The following SNED1 variants were observed in gnomAD, a reference collection of about 807,000 sequenced individuals.
SNED1 encodes the protein sushi, nidogen and EGF like domains 1.
SNED1 carries 81 observed loss-of-function variants against 166.7 expected under a neutral mutation model. That is an observed-to-expected ratio of 0.49 (90% CI 0.41 to 0.58). SNED1 has a LOEUF of 0.58. SNED1 is among the 20% of genes least tolerant of loss of function. The pLI is 0.00. For missense variants in SNED1, 1,604 were observed against 2,000.2 expected, an observed-to-expected ratio of 0.80 and a Z score of 3.78; for synonymous variants, 762 against 822.0, an observed-to-expected ratio of 0.93 and a Z score of 1.25.
chr2:241,022,026 C>A lies in SNED1; in HGVS notation c.214-8258C>A, dbSNP rs186238561. On this transcript the variant is annotated intron_variant, in intron 1 of 31. Coordinates refer to ENST00000310397, the MANE Select transcript of SNED1 (RefSeq NM_001080437.3). ...CCTAATGGTTAATGCTGTCAAGCAT[C>A]TTTTTGTATGTTATTGGCTCCTTCT... 4.7e-4 allele frequency among the ~76,000 whole-genome samples: 71 copies of A among 152,322 alleles called. 1 individual carries two copies. The highest frequency in any genetic ancestry group is 1.5e-3 in the African/African-American group (64 of 41,574).
Position 241,069,697 on chromosome 2 carries a change from A to G in SNED1, c.3308-223A>G, listed in dbSNP as rs1039981973. 1.3e-5 allele frequency among the ~76,000 whole-genome samples: 2 copies of G among 151,942 alleles called. No individual in the cohort carries two copies. Among genetic ancestry groups the G allele is most frequent in the Non-Finnish European group, 2.9e-5 (2 of 67,954 alleles). On this transcript the variant is annotated intron_variant, in intron 23 of 31. Transcript: ENST00000310397. The surrounding 1 kb of genome is among the most constrained non-coding windows in gnomAD (Gnocchi z 4.9). ...CTGGGGGCTTCACAGGGTGGATCCT[A>G]ACCCGAGGGGAGGGTGGCAACCAGG...
rs554383794 is a variant in SNED1 at position 240,999,443 on chromosome 2, G to A, written c.213+393G>A. ...CGGGCCTCAGTTTCCCAAGTGGGGC[G>A]CCGGGCCTGCGAAGGTTGCAGCCCC... On this transcript the variant is annotated intron_variant, in intron 1 of 31. Transcript: ENST00000310397. This position sits in a 1 kb window ranked among gnomAD's most constrained non-coding sequence, Gnocchi z 5.8. Among the ~76,000 whole-genome samples, 37 of 152,332 alleles carry A rather than the reference G, an allele frequency of 2.4e-4. No homozygotes were observed. Among genetic ancestry groups the A allele is most frequent in the Admixed American group, 2.2e-3 (34 of 15,312 alleles).
intron 1 of SNED1, among the ~76,000 whole-genome samples, chr2:241,024,795 C>T (rs1369991603): frequency 6.8e-6 from 1 of 148,022 alleles, no homozygotes; most frequent in Non-Finnish European, 1.5e-5. Context: ...CCTCAGCCTC[C>T]CAAGTAGCTG....
rs1350462650 is a variant in SNED1, at chr2:241,013,943, C to A, written c.213+14893C>A. On this transcript the variant is annotated intron_variant, in intron 1 of 31. Transcript: ENST00000310397. The surrounding 1 kb of genome is among the most constrained non-coding windows in gnomAD (Gnocchi z 4.6). ...TATACTCAGAAGTGGGATTGCTAGG[C>A]CATATGTCAGTTCTATTTTTAATTT... is the stretch of plus-strand genomic sequence containing the variant. Among the ~76,000 whole-genome samples, 1 of 151,974 alleles carries A rather than the reference C, an allele frequency of 6.6e-6. No individual in the cohort carries two copies. The highest frequency in any genetic ancestry group is 1.9e-4 in the East Asian group (1 of 5,196).
rs752151927 is a variant in SNED1, at chr2:241,090,375, T to C, written c.*2-1263T>C. The C allele has an allele frequency of 3.9e-6, 6 of 1,550,278 alleles. No homozygotes were observed. In the South Asian group the frequency reaches 7.1e-5, roughly 18 times the overall value. ...ACCTCCTGTGACAATGATGCCTTCT[T>C]CTGGAAACCTCCTGAAGGACCTGCC... On this transcript the variant is annotated intron_variant, in intron 31 of 31. Coordinates refer to ENST00000310397, the MANE Select transcript of SNED1 (RefSeq NM_001080437.3).
intron 16 of SNED1, among the ~76,000 whole-genome samples, chr2:241,055,817 T>A (rs1192285287): frequency 6.6e-6 from 1 of 152,192 alleles, no homozygotes; most frequent in Non-Finnish European, 1.5e-5. Context: ...AGGATTAGAT[T>A]CCAAGTCCAC....
chr2:241,036,455 T>C (rs2061372764), intron 4 of SNED1, among the ~76,000 whole-genome samples: 2 of 151,934 alleles, frequency 1.3e-5, no homozygotes, highest in Admixed American at 1.3e-4. Flanking sequence ...CCAGGAACCC[T>C]GGAGGGGAGG....
chr2:241,011,686 G>C (rs1040929372), intron 1 of SNED1, among the ~76,000 whole-genome samples: 1 of 152,244 alleles, frequency 6.6e-6, no homozygotes, highest in Non-Finnish European at 1.5e-5. Flanking sequence ...TCCCAGCCCT[G>C]AAGAAGGAGA....
intron 1 of SNED1, among the ~76,000 whole-genome samples, chr2:241,027,733 GT>G (rs1553561255): frequency 4.6e-4 from 62 of 135,670 alleles, no homozygotes; most frequent in South Asian, 1.5e-3. Flanking sequence ...ATTTTCTTCT[GT>G]TTTTTTTTTT....
At chr2:241,002,686 C>T (rs1054127483) in intron 1 of SNED1, among the ~76,000 whole-genome samples, 3 of 152,110 alleles carry the variant, frequency 2.0e-5, no homozygotes, top group East Asian at 1.9e-4. Flanking sequence ...TGGAGCAGGA[C>T]GTCATGCCCA....
At chr2:241,065,732 G>C (rs2062417983) in intron 21 of SNED1, 137 bp downstream of exon 21, 2 of 770,906 alleles carry the variant, frequency 2.6e-6, no homozygotes, top group Non-Finnish European at 4.1e-6. Flanking sequence ...AGCTGAGCTG[G>C]GGGTTGGAGG....
rs1389443251 is a variant in SNED1 at position 240,998,742 on chromosome 2, C to G, written c.-96C>G. 7 of 466,850 alleles carry G rather than the reference C, an allele frequency of 1.5e-5. No individual in the cohort carries two copies. Among genetic ancestry groups the G allele is most frequent in the African/African-American group, 1.3e-4 (6 of 46,960 alleles). The allele number at this position is 466,850 out of a possible 1,614,324, so 28.9% of individuals were successfully genotyped here. ...GGCCAGCGGGCGCGCCCGCGCTCCC[C>G]GCACCCCGCCTGGCCCTGCCGGCCA... On this transcript the variant is annotated 5_prime_UTR_variant, in exon 1 of 32. Coordinates refer to ENST00000310397, the MANE Select transcript of SNED1 (RefSeq NM_001080437.3).
chr2:241,030,098 G>A (rs1039443620), intron 1 of SNED1, among the ~76,000 whole-genome samples, 186 bp from the exon 2 acceptor site: 1 of 152,236 alleles, frequency 6.6e-6, no homozygotes, highest in Non-Finnish European at 1.5e-5. Flanking sequence ...ATGACAGGAG[G>A]GGGTGGAGCA....
intron 6 of SNED1, 47 bp from the exon 7 acceptor site, chr2:241,040,028 A>G: frequency 1.4e-6 from 2 of 1,429,204 alleles, no homozygotes; most frequent in Non-Finnish European, 1.9e-6. Context: ...CCCCTCAGGT[A>G]ACCATAACTG....
In SNED1 at chr2:241,062,641, T is replaced by TC. The variant is rs2062276562; in HGVS notation, c.2258-148dup. The stretch of plus-strand genomic sequence containing the variant: ...CCCAGGCCCACTGCCCTGCCCCGAC[T>TC]CCAAGGATATCCAGCCCTGGTCTCT... On this transcript the variant is annotated intron_variant, in intron 16 of 31. Coordinates refer to ENST00000310397, the MANE Select transcript of SNED1 (RefSeq NM_001080437.3). 4 of 695,812 alleles carry TC rather than the reference T, an allele frequency of 5.7e-6. No individual in the cohort carries two copies. In the Admixed American group the frequency reaches 6.1e-5, roughly 11 times the overall value. The allele number at this position is 695,812 out of a possible 1,614,324, so 43.1% of individuals were successfully genotyped here. A position where few individuals can be genotyped will look rare whatever the true frequency, so the allele number is the denominator to read the frequency against.
chr2:241,003,732 C>T (rs1024979528), intron 1 of SNED1, among the ~76,000 whole-genome samples: 1 of 152,218 alleles, frequency 6.6e-6, no homozygotes, highest in African/African-American at 2.4e-5. Flanking sequence ...TGCCCCACCT[C>T]TGCAGGTGAC....
At chr2:241,058,349 CTT>C (rs887487754) in intron 16 of SNED1, among the ~76,000 whole-genome samples, 2 of 151,620 alleles carry the variant, frequency 1.3e-5, no homozygotes, top group Non-Finnish European at 2.9e-5. Flanking sequence ...AAATTTCAAA[CTT>C]GATTAATTAA....
intron 24 of SNED1, 46 bp from the exon 25 acceptor site, chr2:241,071,530 C>T: frequency 2.6e-6 from 4 of 1,554,542 alleles, no homozygotes; most frequent in Non-Finnish European, 3.5e-6. Context: ...GGGACAGGAG[C>T]AGAGGGCAGC....
chr2:241,063,467 G>A (rs1401318558), intron 17 of SNED1, 120 bp from the exon 18 acceptor site: 2 of 731,122 alleles, frequency 2.7e-6, no homozygotes, highest in South Asian at 3.0e-5. Context: ...CATGTCCTGA[G>A]TAGTTGCTCC....
Sources: gnomAD v4.1 joint callset for allele counts (sites outside exome capture counted in the v4.1 genomes callset) on GRCh38, gnomAD v4.1.1 for gene constraint, Gnocchi (gnomAD v3.1) non-coding constraint, MANE v1.5 for transcripts, NCBI Gene and HGNC (gene_info 2026-07-23, HGNC 2026-07-21) for gene names.